The following CXCL13 variants were observed in gnomAD, a reference collection of about 807,000 sequenced individuals.
CXCL13 encodes the protein C-X-C motif chemokine 13.
In CXCL13, 7 loss-of-function variants were observed where a neutral mutation model predicts 12.2. That is an observed-to-expected ratio of 0.57 (90% CI 0.33 to 1.07). CXCL13 has a LOEUF of 1.07. Among genes scored for constraint, CXCL13 ranks in the 50% least tolerant of loss-of-function variants. The pLI, the probability that CXCL13 is intolerant of heterozygous loss-of-function variation, is 0.04. For synonymous variants in CXCL13, 47 were observed against 42.4 expected (o/e 1.11, Z -0.42); for missense variants, 113 against 127.4 (o/e 0.89, Z 0.55).
At chr4:77,522,450 T>G (rs1724632655) in intron 1 of CXCL13, among the ~76,000 whole-genome samples, 1 of 151,676 alleles carries the variant, frequency 6.6e-6, no homozygotes, top group Non-Finnish European at 1.5e-5. Context: ...ATGGCCTTCT[T>G]TGTCTCTTTT....
intron 1 of CXCL13, among the ~76,000 whole-genome samples, chr4:77,552,760 G>A (rs1345652677): frequency 2.0e-5 from 3 of 152,228 alleles, no homozygotes; most frequent in Non-Finnish European, 2.9e-5. Context: ...TGGGGATGGC[G>A]ATGGCCTAAA....
At chr4:77,607,491 AG>A (rs1040324673) in intron 1 of CXCL13, among the ~76,000 whole-genome samples, 11 of 152,206 alleles carry the variant, frequency 7.2e-5, no homozygotes, top group African/African-American at 2.7e-4. Flanking sequence ...CTGGCCTAAA[AG>A]CTAACTTTAT....
chr4:77,575,630 C>CT (rs79592891), intron 1 of CXCL13, among the ~76,000 whole-genome samples: 5 of 151,798 alleles, frequency 3.3e-5, no homozygotes, highest in Non-Finnish European at 7.4e-5. Context: ...ATGAATGCAT[C>CT]TTTTTTTATG....
intron 1 of CXCL13, among the ~76,000 whole-genome samples, chr4:77,541,497 A>G (rs1216349387): frequency 6.6e-6 from 1 of 151,930 alleles, no homozygotes; most frequent in Admixed American, 6.6e-5. Context: ...ATTTTTGTCG[A>G]CTTTGTTGAA....
At chr4:77,539,717 G>A (rs969414142) in intron 1 of CXCL13, among the ~76,000 whole-genome samples, 4 of 152,202 alleles carry the variant, frequency 2.6e-5, no homozygotes, top group Non-Finnish European at 5.9e-5. Flanking sequence ...GGAAGCTGCT[G>A]ATCACCAGTT....
intron 1 of CXCL13, among the ~76,000 whole-genome samples, chr4:77,527,225 TA>T (rs1197531394): frequency 6.6e-6 from 1 of 152,030 alleles, no homozygotes; most frequent in Non-Finnish European, 1.5e-5. Context: ...CAGCTTAAAT[TA>T]AAAAATGCTG....
intron 1 of CXCL13, among the ~76,000 whole-genome samples, chr4:77,557,298 A>G (rs1725682441): frequency 6.6e-6 from 1 of 152,136 alleles, no homozygotes; most frequent in Non-Finnish European, 1.5e-5. Flanking sequence ...GTTTGTGTAA[A>G]TGGCCTGTGG....
chr4:77,586,041 A>G (rs981962906), intron 1 of CXCL13, among the ~76,000 whole-genome samples: 1 of 152,350 alleles, frequency 6.6e-6, no homozygotes, highest in Middle Eastern at 3.4e-3. Flanking sequence ...GTGAAACACT[A>G]TAAACAATGC....
intron 1 of CXCL13, among the ~76,000 whole-genome samples, chr4:77,572,601 G>A (rs1030693278): frequency 6.6e-6 from 1 of 151,816 alleles, no homozygotes; most frequent in Non-Finnish European, 1.5e-5. Context: ...ATGTTCGTGA[G>A]GTTGCAAAGA....
At chr4:77,559,590 C>CGTGTGTGTGT (rs376338194) in intron 1 of CXCL13, among the ~76,000 whole-genome samples, 9 of 148,734 alleles carry the variant, frequency 6.1e-5, no homozygotes, top group Admixed American at 4.7e-4. Flanking sequence ...CTAAATATGC[C>CGTGTGTGTGT]GTGTGTGTGT....
At chr4:77,559,438 G>A (rs1160964272) in intron 1 of CXCL13, among the ~76,000 whole-genome samples, 2 of 152,202 alleles carry the variant, frequency 1.3e-5, no homozygotes, top group Admixed American at 6.5e-5. Context: ...GTCATTGGAT[G>A]TGGACGACCT....
intron 1 of CXCL13, among the ~76,000 whole-genome samples, chr4:77,519,389 G>T (rs527321290): frequency 1.1e-4 from 16 of 152,288 alleles, no homozygotes; most frequent in African/African-American, 3.4e-4. Flanking sequence ...GACCGGAGCT[G>T]TTCCTATTCG....
At chr4:77,560,300 G>T (rs1725775615) in intron 1 of CXCL13, among the ~76,000 whole-genome samples, 1 of 152,156 alleles carries the variant, frequency 6.6e-6, no homozygotes, top group Admixed American at 6.5e-5. Flanking sequence ...TGGAATCTGT[G>T]TGGAACCCAG....
At chr4:77,540,003 G>A (rs932557281) in intron 1 of CXCL13, among the ~76,000 whole-genome samples, 5 of 152,144 alleles carry the variant, frequency 3.3e-5, no homozygotes, top group Admixed American at 3.3e-4. Context: ...AAAACAGGGA[G>A]ATGCTGACAG....
At chr4:77,570,260 G>C (rs188264947) in intron 1 of CXCL13, among the ~76,000 whole-genome samples, 1 of 152,298 alleles carries the variant, frequency 6.6e-6, no homozygotes, top group African/African-American at 2.4e-5. Context: ...AGCAAAAATT[G>C]ACAAGTGGGA....
At chr4:77,552,964 C>A (rs541949823) in intron 1 of CXCL13, among the ~76,000 whole-genome samples, 4 of 152,210 alleles carry the variant, frequency 2.6e-5, no homozygotes, top group Non-Finnish European at 5.9e-5. Context: ...GCTGCACCAC[C>A]ATCTATGCCC....
intron 1 of CXCL13, among the ~76,000 whole-genome samples, chr4:77,538,578 G>A (rs1402402352): frequency 1.3e-5 from 2 of 152,086 alleles, no homozygotes; most frequent in South Asian, 4.2e-4. Context: ...AAAGATGATA[G>A]GGGCTTTGTG....
At chr4:77,533,459 C>T (rs138880044) in intron 1 of CXCL13, among the ~76,000 whole-genome samples, 3,160 of 152,292 alleles carry the variant, frequency 0.021, 60 homozygotes, top group Non-Finnish European at 0.029. Flanking sequence ...GAGGTGCCTC[C>T]CAGTTAGGCT....
At chr4:77,541,717 A>G (rs928823734) in intron 1 of CXCL13, among the ~76,000 whole-genome samples, 1 of 152,144 alleles carries the variant, frequency 6.6e-6, no homozygotes, top group African/African-American at 2.4e-5. Flanking sequence ...GTTGTTCCAA[A>G]TGAAGTTTAG....
Sources: gnomAD v4.1 joint callset for allele counts (sites outside exome capture counted in the v4.1 genomes callset) on GRCh38, gnomAD v4.1.1 for gene constraint, MANE v1.5 for transcripts, NCBI Gene and HGNC (gene_info 2026-07-23, HGNC 2026-07-21) for gene names.